SYT16: variants seen among roughly 807,000 people sequenced by gnomAD.
SYT16 encodes synaptotagmin 16.
A neutral mutation model predicts 61.4 loss-of-function variants in SYT16; 42 were observed. The ratio of observed to expected loss-of-function variants is 0.68; its 90% CI spans 0.53 to 0.89. The LOEUF is 0.89. Among genes scored for constraint, SYT16 ranks in the 40% least tolerant of loss-of-function variants. The pLI, the probability that SYT16 is intolerant of heterozygous loss-of-function variation, is 0.00. For missense variants in SYT16, 804 were observed against 807.3 expected (o/e 1.00, Z 0.05); for synonymous variants, 314 against 302.3 (o/e 1.04, Z -0.40).
chr14:61,888,840 A>AT (rs980600827), intron 1 of SYT16, among the ~76,000 whole-genome samples: 8 of 151,480 alleles, frequency 5.3e-5, no homozygotes, highest in African/African-American at 9.7e-5. Flanking sequence ...AGATATATCT[A>AT]TTTTTTTCTA....
At chr14:61,863,329 C>G (rs2047024208) in intron 1 of SYT16, among the ~76,000 whole-genome samples, 1 of 152,168 alleles carries the variant, frequency 6.6e-6, no homozygotes, top group Non-Finnish European at 1.5e-5. Context: ...TACATGGTAT[C>G]TCATTGTTTT....
intron 1 of SYT16, among the ~76,000 whole-genome samples, chr14:61,879,476 T>C (rs541373891): frequency 1.8e-4 from 27 of 152,170 alleles, no homozygotes; most frequent in Non-Finnish European, 3.5e-4. Flanking sequence ...AGCTCTAACA[T>C]TGCATGATCT....
chr14:61,946,835 A>T (rs1054005652), intron 1 of SYT16, among the ~76,000 whole-genome samples: 3 of 152,312 alleles, frequency 2.0e-5, no homozygotes, highest in African/African-American at 7.2e-5. Context: ...AATTGTTTAG[A>T]TTACAGAAAA....
chr14:61,956,110 C>A (rs2050863925), intron 1 of SYT16, among the ~76,000 whole-genome samples: 1 of 151,642 alleles, frequency 6.6e-6, no homozygotes, highest in Non-Finnish European at 1.5e-5. Context: ...TGGAGAAATG[C>A]CTATTTAGGT....
intron 1 of SYT16, among the ~76,000 whole-genome samples, chr14:61,892,251 C>G (rs1023694306): frequency 6.6e-6 from 1 of 152,076 alleles, no homozygotes; most frequent in Non-Finnish European, 1.5e-5. Context: ...CCTGGCCCCT[C>G]TCTCCATTGC....
chr14:62,044,996 G>T (rs1048952322), intron 3 of SYT16, among the ~76,000 whole-genome samples: 2 of 152,082 alleles, frequency 1.3e-5, no homozygotes, highest in African/African-American at 2.4e-5. Context: ...AAATTAGCTG[G>T]GCGTGGTGGC....
At chr14:62,037,328 A>G (rs1303932094) in intron 3 of SYT16, among the ~76,000 whole-genome samples, 3 of 152,130 alleles carry the variant, frequency 2.0e-5, no homozygotes, top group South Asian at 2.1e-4. Flanking sequence ...TGTGTCTTAA[A>G]TTTATATTAA....
intron 3 of SYT16, among the ~76,000 whole-genome samples, chr14:62,045,417 T>C (rs907547215): frequency 1.3e-5 from 2 of 152,148 alleles, no homozygotes; most frequent in South Asian, 4.2e-4. Flanking sequence ...TCTGTAATGG[T>C]TGTTGGTCTG....
intron 2 of SYT16, among the ~76,000 whole-genome samples, chr14:61,980,737 C>T (rs1248231486): frequency 7.9e-5 from 12 of 151,820 alleles, no homozygotes; most frequent in South Asian, 4.2e-4. Flanking sequence ...CAAAACCAAA[C>T]GTAAAGAGGC....
chr14:61,817,691 C>T (rs528891709), intron 1 of SYT16, among the ~76,000 whole-genome samples: 16 of 152,102 alleles, frequency 1.1e-4, no homozygotes, highest in Admixed American at 2.0e-4. Flanking sequence ...GGAAAAAATG[C>T]GACAAAGGAC....
intron 3 of SYT16, among the ~76,000 whole-genome samples, chr14:62,005,643 A>G (rs1827548660): frequency 1.3e-5 from 2 of 152,172 alleles, no homozygotes; most frequent in Admixed American, 1.3e-4. Flanking sequence ...GTAGAAAATG[A>G]TAAAGAGTGG....
chr14:61,889,589 C>CTCTCT (rs1555352777), intron 1 of SYT16, among the ~76,000 whole-genome samples: 105 of 150,726 alleles, frequency 7.0e-4, no homozygotes, highest in Non-Finnish European at 1.3e-3. Context: ...GCTCTTGCTC[C>CTCTCT]CTCTCTCTCT....
intron 7 of SYT16, among the ~76,000 whole-genome samples, chr14:62,092,440 C>T (rs2057118391): frequency 6.6e-6 from 1 of 152,022 alleles, no homozygotes; most frequent in Non-Finnish European, 1.5e-5. Flanking sequence ...ATGTTCATAG[C>T]AACATTATTC....
chr14:61,998,267 T>C lies in SYT16; in HGVS notation c.523+1725T>C, dbSNP rs190711819. On this transcript the variant is annotated intron_variant, in intron 3 of 7. Transcript: ENST00000683842. ...GTATAGTTCTATGCTTTTTGACAAA[T>C]AGACACAGTCTTGTAGCCACCACAA... Among the ~76,000 whole-genome samples, 17 of 152,108 alleles carry C rather than the reference T, an allele frequency of 1.1e-4. No individual in the cohort carries two copies. In the East Asian group the frequency reaches 1.5e-3, roughly 14 times the overall value.
In SYT16 at chr14:62,106,762, G is replaced by A. The variant is rs951498273; in HGVS notation, c.*6055G>A. On this transcript the variant is annotated 3_prime_UTR_variant, in exon 8 of 8. Coordinates refer to ENST00000683842, the MANE Select transcript of SYT16 (RefSeq NM_001367656.1). ...GCTTTGACTGTTTTTGTTTCCCTTG[G>A]GTCACAAAACCATATCCTAGACACA... 6.6e-6 allele frequency: 1 copy of A among 151,834 alleles called. No homozygotes were observed. Among genetic ancestry groups the A allele is most frequent in the African/African-American group, 2.4e-5 (1 of 41,292 alleles). The allele number at this position is 151,834 out of a possible 1,614,324, so 9.4% of individuals were successfully genotyped here. A position where few individuals can be genotyped will look rare whatever the true frequency, so the allele number is the denominator to read the frequency against.
At chr14:61,908,272 A>C (rs749360056) in intron 1 of SYT16, among the ~76,000 whole-genome samples, 27 of 152,272 alleles carry the variant, frequency 1.8e-4, no homozygotes, top group Non-Finnish European at 3.5e-4. Context: ...GAAGAGAATC[A>C]AACATATGCC....
rs541424731 is a variant in SYT16 at position 61,891,239 on chromosome 14, C to T, written c.-325+78429C>T. 5.6e-5 allele frequency among the ~76,000 whole-genome samples: 6 copies of T among 107,356 alleles called. No individual in the cohort carries two copies. The South Asian group carries it at 1.2e-3, about 21-fold the overall frequency. The allele number at this position is 107,356 out of a possible 152,430, so 70.4% of individuals were successfully genotyped here. On this transcript the variant is annotated intron_variant, in intron 1 of 7. Transcript: ENST00000683842. ...ACATGTGTGCACGTGCATACACACA[C>T]GCGCACACACACACACACACACACA...
intron 1 of SYT16, among the ~76,000 whole-genome samples, chr14:61,839,411 C>A (rs1399109413): frequency 6.6e-6 from 1 of 152,178 alleles, no homozygotes; most frequent in African/African-American, 2.4e-5. Context: ...GTAAACTACC[C>A]AGTCTGTAGT....
intron 3 of SYT16, among the ~76,000 whole-genome samples, chr14:62,023,126 A>C (rs1346203128): frequency 6.6e-6 from 1 of 152,204 alleles, no homozygotes; most frequent in East Asian, 1.9e-4. Flanking sequence ...TTGTGCATCA[A>C]AAATTGTTGA....
Sources: gnomAD v4.1 joint callset for allele counts (sites outside exome capture counted in the v4.1 genomes callset) on GRCh38, gnomAD v4.1.1 for gene constraint, MANE v1.5 for transcripts, NCBI Gene and HGNC (gene_info 2026-07-23, HGNC 2026-07-21) for gene names.